The following SIPA1L3 variants were observed in gnomAD, a reference collection of about 807,000 sequenced individuals.
The protein encoded by SIPA1L3 is signal induced proliferation associated 1 like 3.
In SIPA1L3, 59 loss-of-function variants were observed where a neutral mutation model predicts 150.1. The ratio of observed to expected loss-of-function variants is 0.39; its 90% CI spans 0.32 to 0.49. The LOEUF (loss-of-function observed/expected upper bound fraction) is 0.49. Among genes scored for constraint, SIPA1L3 ranks in the 20% least tolerant of loss-of-function variants. SIPA1L3 has a pLI of 0.86. For missense variants in SIPA1L3, 2,211 were observed against 2,489.5 expected (o/e 0.89, Z 2.38); for synonymous variants, 1,070 against 1,077.6 (o/e 0.99, Z 0.14).
chr19:38,068,864 A>G (rs544168624), intron 2 of SIPA1L3, among the ~76,000 whole-genome samples: 3 of 152,262 alleles, frequency 2.0e-5, no homozygotes, highest in Admixed American at 6.5e-5. Context: ...AAAAAAGAGA[A>G]GAGAAATTTA....
At chr19:38,035,094 G>A (rs998361083) in intron 2 of SIPA1L3, among the ~76,000 whole-genome samples, 4 of 152,184 alleles carry the variant, frequency 2.6e-5, no homozygotes, top group Non-Finnish European at 5.9e-5. Flanking sequence ...CCCAGCCTAG[G>A]GGTCAAAGAG....
chr19:38,186,458 G>T (rs576610407), intron 16 of SIPA1L3, among the ~76,000 whole-genome samples: 1 of 151,194 alleles, frequency 6.6e-6, no homozygotes, highest in Admixed American at 6.6e-5. Context: ...GACTACATGC[G>T]CATACCACCA....
chr19:38,196,209 G>A (rs1405235985), intron 18 of SIPA1L3, among the ~76,000 whole-genome samples: 1 of 152,226 alleles, frequency 6.6e-6, no homozygotes, highest in African/African-American at 2.4e-5. Flanking sequence ...CCTGTCACAC[G>A]GTGCTCCTGA....
At chr19:38,168,852 T>C (rs1055342491) in intron 15 of SIPA1L3, among the ~76,000 whole-genome samples, 19 of 152,210 alleles carry the variant, frequency 1.2e-4, no homozygotes, top group Admixed American at 1.3e-4. Flanking sequence ...ATCATTCTTA[T>C]CTGCTCATTA....
chr19:38,113,889 C>T (rs558306833), intron 8 of SIPA1L3, among the ~76,000 whole-genome samples: 3 of 152,224 alleles, frequency 2.0e-5, no homozygotes, highest in Admixed American at 6.5e-5. Context: ...CTGGTTGTTT[C>T]GTGAGTTTTC....
chr19:38,198,584 A>G, intron 19 of SIPA1L3, 52 bp downstream of exon 19: 1 of 1,390,916 alleles, frequency 7.2e-7, no homozygotes, highest in Middle Eastern at 2.4e-4. Flanking sequence ...CCTCTGTTCT[A>G]GAGGGATTCA....
chr19:37,975,974 G>A (rs368175424), intron 1 of SIPA1L3, among the ~76,000 whole-genome samples: 3 of 152,146 alleles, frequency 2.0e-5, no homozygotes, highest in East Asian at 1.9e-4. Flanking sequence ...GCGTGGTGGC[G>A]GGCGCCAGTA....
intron 1 of SIPA1L3, among the ~76,000 whole-genome samples, chr19:37,973,262 A>G (rs1599856037): frequency 7.5e-6 from 1 of 132,536 alleles, no homozygotes; most frequent in East Asian, 2.4e-4. Context: ...TTTGAGATAG[A>G]GTATTGCTCT....
At chr19:38,124,453 G>A (rs1376256660) in intron 9 of SIPA1L3, among the ~76,000 whole-genome samples, 1 of 151,796 alleles carries the variant, frequency 6.6e-6, no homozygotes, top group African/African-American at 2.4e-5. Context: ...TGGCGGCCGG[G>A]AAGAGGCGCT....
intron 1 of SIPA1L3, among the ~76,000 whole-genome samples, chr19:37,972,583 A>G (rs1157023807): frequency 1.3e-5 from 2 of 152,138 alleles, no homozygotes; most frequent in African/African-American, 2.4e-5. Context: ...GTGCACCTGT[A>G]GTCCCAGCTA....
At chr19:38,086,048 C>T (rs1970123607) in intron 3 of SIPA1L3, among the ~76,000 whole-genome samples, 1 of 151,694 alleles carries the variant, frequency 6.6e-6, no homozygotes, top group Admixed American at 6.6e-5. Context: ...TAGAAAAACT[C>T]ACAACCATAG....
chr19:38,157,436 C>T (rs1440371213), intron 13 of SIPA1L3, among the ~76,000 whole-genome samples: 1 of 152,156 alleles, frequency 6.6e-6, no homozygotes, highest in Non-Finnish European at 1.5e-5. Context: ...TGGTGAGCAG[C>T]GTAATCAGGA....
intron 1 of SIPA1L3, among the ~76,000 whole-genome samples, chr19:38,021,183 G>GC (rs1222929183): frequency 6.6e-6 from 1 of 152,188 alleles, no homozygotes; most frequent in Non-Finnish European, 1.5e-5. Flanking sequence ...ACAGCACGTG[G>GC]CCCCCGGCTG....
In SIPA1L3 at chr19:37,952,622, A is replaced by C. The variant is rs1324286486; in HGVS notation, c.-379+45264A>C. ...CGGGTGGTGAAGGTTGCAGTGAGCC[A>C]AGATCGTGCCATTGCACTCCAGCCT... is the stretch of plus-strand genomic sequence containing the variant. On this transcript the variant is annotated intron_variant, in intron 1 of 21. Transcript: ENST00000222345. 3.3e-5 allele frequency among the ~76,000 whole-genome samples: 5 copies of C among 152,248 alleles called. No individual in the cohort carries two copies. The East Asian group carries it at 5.8e-4, about 18-fold the overall frequency.
At chr19:38,112,804 A>T (rs1354653581) in intron 8 of SIPA1L3, among the ~76,000 whole-genome samples, 1 of 151,912 alleles carries the variant, frequency 6.6e-6, no homozygotes, top group East Asian at 1.9e-4. Context: ...GACAGACCTG[A>T]CCCTGCCTCT....
rs543393533 is a variant in SIPA1L3, at chr19:38,011,424, C to T, written c.-378-17665C>T. On this transcript the variant is annotated intron_variant, in intron 1 of 21. Coordinates refer to ENST00000222345, the MANE Select transcript of SIPA1L3 (RefSeq NM_015073.3). The stretch of plus-strand genomic sequence containing the variant: ...CCCGGAGGTCCAGGCTGCAGTGAGC[C>T]ATGATTGCACCACTTCACTCCAGCC... Among the ~76,000 whole-genome samples, 3 of 152,304 alleles carry T rather than the reference C, an allele frequency of 2.0e-5. No individual in the cohort carries two copies. In the South Asian group the frequency reaches 6.2e-4, roughly 32 times the overall value.
At chr19:38,133,232 G>T (rs1452277463) in intron 10 of SIPA1L3, among the ~76,000 whole-genome samples, 1 of 152,222 alleles carries the variant, frequency 6.6e-6, no homozygotes, top group Non-Finnish European at 1.5e-5. Context: ...GCGGCACCTG[G>T]CCATCACCAC....
chr19:38,070,932 G>T (rs1454204075), intron 2 of SIPA1L3, among the ~76,000 whole-genome samples: 4 of 152,232 alleles, frequency 2.6e-5, no homozygotes, highest in African/African-American at 9.6e-5. Context: ...CTGAAAGGGA[G>T]ATGCTTGGAG....
At chr19:38,007,321 C>T (rs937244844) in intron 1 of SIPA1L3, among the ~76,000 whole-genome samples, 18 of 151,912 alleles carry the variant, frequency 1.2e-4, no homozygotes, top group Non-Finnish European at 2.1e-4. Flanking sequence ...GGCGTGATGG[C>T]ACGCACCTGT....
Sources: allele counts gnomAD v4.1 joint callset (sites outside exome capture counted in the v4.1 genomes callset), GRCh38; gene constraint gnomAD v4.1.1; transcripts MANE v1.5; gene names NCBI Gene and HGNC (gene_info 2026-07-23, HGNC 2026-07-21).